Variants in TOX observed in about 807,000 individuals in gnomAD.
TOX encodes thymocyte selection associated high mobility group box.
A neutral mutation model predicts 53.7 loss-of-function variants in TOX; 11 were observed. The observed-to-expected ratio is 0.20, with a 90% CI of 0.13 to 0.34. The LOEUF (loss-of-function observed/expected upper bound fraction) is 0.34. Ranked by LOEUF, TOX falls within the 10% of genes least tolerant of loss-of-function variation. The probability of loss-of-function intolerance (pLI) is 1.00; values close to 1 mark genes in which losing one functional copy is unlikely to be tolerated. For missense variants in TOX, 570 were observed against 664.6 expected, an observed-to-expected ratio of 0.86 and a Z score of 1.56; for synonymous variants, 225 against 245.3, an observed-to-expected ratio of 0.92 and a Z score of 0.77.
At chr8:58,836,230 T>TA (rs1490505322) in intron 5 of TOX, among the ~76,000 whole-genome samples, 1 of 152,150 alleles carries the variant, frequency 6.6e-6, no homozygotes, top group Non-Finnish European at 1.5e-5. Flanking sequence ...GGAATACACT[T>TA]AGTTTCTCAT....
At chr8:58,818,638 G>T (rs1262026525) in intron 6 of TOX, among the ~76,000 whole-genome samples, 1 of 110,894 alleles carries the variant, frequency 9.0e-6, no homozygotes, top group Non-Finnish European at 2.3e-5. Context: ...CAATCCTCCA[G>T]GCAGCCACCA....
intron 4 of TOX, 52 bp from the exon 5 acceptor site, chr8:58,838,363 C>G (rs1585853002): frequency 1.4e-6 from 2 of 1,471,026 alleles, no homozygotes; most frequent in Non-Finnish European, 1.9e-6. Context: ...AATTTGGGGA[C>G]AAGACATATC....
chr8:58,907,691 A>C (rs192490655), intron 3 of TOX, among the ~76,000 whole-genome samples: 1 of 152,212 alleles, frequency 6.6e-6, no homozygotes, highest in Admixed American at 6.5e-5. Context: ...GCAGAATTGG[A>C]CCCCACATCC....
chr8:58,838,932 C>A (rs529042160), intron 4 of TOX, among the ~76,000 whole-genome samples: 1 of 152,156 alleles, frequency 6.6e-6, no homozygotes, highest in South Asian at 2.1e-4. Context: ...GATCTCCAGA[C>A]CTGGTGATCC....
intron 6 of TOX, among the ~76,000 whole-genome samples, chr8:58,826,346 A>G (rs957698111): frequency 6.6e-6 from 1 of 152,232 alleles, no homozygotes; most frequent in Admixed American, 6.5e-5. Flanking sequence ...AGTGTTTAAG[A>G]TATTCTAGAT....
intron 3 of TOX, among the ~76,000 whole-genome samples, chr8:58,888,786 C>T (rs16924196): frequency 0.059 from 8,982 of 151,994 alleles, 338 homozygotes; most frequent in East Asian, 0.2. Flanking sequence ...TCATCATCCA[C>T]TGGATCCAAA....
chr8:59,002,570 A>G (rs572826719), intron 1 of TOX, among the ~76,000 whole-genome samples: 40 of 151,284 alleles, frequency 2.6e-4, no homozygotes, highest in African/African-American at 7.5e-4. Flanking sequence ...CAGCCTGGGC[A>G]ACACAGCAAG....
At chr8:58,928,239 G>A (rs1243567520) in intron 3 of TOX, among the ~76,000 whole-genome samples, 2 of 152,218 alleles carry the variant, frequency 1.3e-5, no homozygotes, top group South Asian at 2.1e-4. Context: ...CAGAGCGCCC[G>A]CTATTAGCTG....
At chr8:58,954,066 C>A (rs1424293304) in intron 2 of TOX, among the ~76,000 whole-genome samples, 1 of 152,124 alleles carries the variant, frequency 6.6e-6, no homozygotes, top group South Asian at 2.1e-4. Context: ...GAGCACACTA[C>A]TGTTTCCAAT....
chr8:59,099,954 C>T (rs1258447550), intron 1 of TOX, among the ~76,000 whole-genome samples: 1 of 151,874 alleles, frequency 6.6e-6, no homozygotes, highest in East Asian at 1.9e-4. Flanking sequence ...CTGATTTTGT[C>T]ATTAAATGTA....
At chr8:58,852,569 G>A (rs1810842955) in intron 3 of TOX, among the ~76,000 whole-genome samples, 3 of 152,196 alleles carry the variant, frequency 2.0e-5, no homozygotes, top group Non-Finnish European at 1.5e-5. Context: ...AGAATTAAAA[G>A]CATTGGAGGA....
chr8:58,994,391 AGTGTGTGTGTGTGTGT>A (rs34690974), intron 1 of TOX, among the ~76,000 whole-genome samples: 1 of 146,970 alleles, frequency 6.8e-6, no homozygotes, highest in Non-Finnish European at 1.5e-5. Flanking sequence ...CAAAATGCCA[AGTGTGTGTGTGTGTGT>A]GTGTGTGTGT....
intron 1 of TOX, among the ~76,000 whole-genome samples, chr8:59,015,806 A>G (rs1406077218): frequency 6.6e-6 from 1 of 152,236 alleles, no homozygotes; most frequent in Non-Finnish European, 1.5e-5. Flanking sequence ...ATACAGTGAT[A>G]ATGTGCTCAT....
At chr8:58,834,918 G>T (rs910723163) in intron 5 of TOX, among the ~76,000 whole-genome samples, 9 of 152,122 alleles carry the variant, frequency 5.9e-5, no homozygotes, top group Non-Finnish European at 1.0e-4. Context: ...TGAAGTCAAA[G>T]GAGCATACAG....
intron 4 of TOX, among the ~76,000 whole-genome samples, chr8:58,847,577 A>G (rs954206100): frequency 6.6e-6 from 1 of 152,108 alleles, no homozygotes; most frequent in Non-Finnish European, 1.5e-5. Flanking sequence ...GAATAACAGC[A>G]TGAGAAGGGA....
intron 1 of TOX, among the ~76,000 whole-genome samples, chr8:59,074,119 A>G (rs1470609345): frequency 6.6e-6 from 1 of 152,178 alleles, no homozygotes; most frequent in Non-Finnish European, 1.5e-5. Context: ...CTCCGACAAT[A>G]AATCTGTCGG....
chr8:58,932,808 T>C (rs1386622738), intron 3 of TOX, among the ~76,000 whole-genome samples: 3 of 152,122 alleles, frequency 2.0e-5, no homozygotes, highest in Non-Finnish European at 4.4e-5. Flanking sequence ...ATAGCACCTA[T>C]GAAAGCGATG....
intron 5 of TOX, among the ~76,000 whole-genome samples, chr8:58,833,533 G>T (rs192864564): frequency 7.9e-5 from 12 of 152,256 alleles, no homozygotes; most frequent in Admixed American, 7.2e-4. Flanking sequence ...GATGCTGAGG[G>T]TTGCTCAAAC....
intron 4 of TOX, among the ~76,000 whole-genome samples, chr8:58,849,853 C>A (rs1456656505): frequency 1.4e-4 from 21 of 152,132 alleles, no homozygotes; most frequent in Non-Finnish European, 3.1e-4. Context: ...ATTATTCATG[C>A]ATAATCAAAA....
Sources: gnomAD v4.1 joint callset for allele counts (sites outside exome capture counted in the v4.1 genomes callset) on GRCh38, gnomAD v4.1.1 for gene constraint, MANE v1.5 for transcripts, NCBI Gene and HGNC (gene_info 2026-07-23, HGNC 2026-07-21) for gene names.